SYCE1: variants seen among roughly 807,000 people sequenced by gnomAD.
SYCE1 encodes the protein synaptonemal complex central element protein 1.
In SYCE1, 37 loss-of-function variants were observed where a neutral mutation model predicts 55.1. The ratio of observed to expected loss-of-function variants is 0.67; its 90% CI spans 0.52 to 0.88. The LOEUF (loss-of-function observed/expected upper bound fraction) is 0.88. Ranked by LOEUF, SYCE1 falls within the 40% of genes least tolerant of loss-of-function variation. The probability of loss-of-function intolerance (pLI) is 0.00; values close to 1 mark genes in which losing one functional copy is unlikely to be tolerated. For synonymous variants in SYCE1, 163 were observed against 159.4 expected, an observed-to-expected ratio of 1.02 and a Z score of -0.17; for missense variants, 399 against 416.4, an observed-to-expected ratio of 0.96 and a Z score of 0.36.
upstream of SYCE1, among the ~76,000 whole-genome samples, chr10:133,566,417 T>A (rs868331234): frequency 1.3e-5 from 2 of 151,762 alleles, no homozygotes; most frequent in Non-Finnish European, 2.9e-5. Flanking sequence ...AGCTAGGGAT[T>A]AAGGTTAGAG....
At position 133,555,863 on chromosome 10, in the gene SYCE1, C is replaced by G. The variant is rs371458050; in HGVS notation, c.636G>C (p.Gln212His). Reference sequence around the variant, plus strand: ...CCTCAGCCCCACACAGGGAGCACAGCTGATGCTTCACGTCTTCCAGTGTCG... The same window carrying G: ...CCTCAGCCCCACACAGGGAGCACAGGTGATGCTTCACGTCTTCCAGTGTCG... Reference protein sequence around the residue: ...VKATLEDVKHQLCSLCGAEGP... With the variant: ...VKATLEDVKHHLCSLCGAEGP... The change falls in exon 10 of 13, where the codon CAG becomes CAC. Residue 212 changes from glutamine (Q) to histidine (H), a missense_variant. By Grantham distance (24) the Gln-to-His change is conservative. Coordinates refer to ENST00000343131, the MANE Select transcript of SYCE1 (RefSeq NM_001143764.3). 7 of 1,614,118 alleles carry G rather than the reference C, an allele frequency of 4.3e-6. No individual in the cohort carries two copies. Among genetic ancestry groups the G allele is most frequent in the Non-Finnish European group, 5.9e-6 (7 of 1,180,012 alleles).
chr10:133,556,227 G>T, intron 8 of SYCE1, 180 bp from the exon 9 acceptor site: 1 of 654,200 alleles, frequency 1.5e-6, no homozygotes, highest in South Asian at 1.9e-5. Flanking sequence ...CCCTCCCTGT[G>T]CACTTCTGTC....
upstream of SYCE1, among the ~76,000 whole-genome samples, chr10:133,566,603 G>GGGGTTAAGGTTA (rs1554906606): frequency 7.7e-6 from 1 of 129,766 alleles, no homozygotes; most frequent in Non-Finnish European, 1.6e-5. Flanking sequence ...TTTTAGTGTT[G>GGGGTTAAGGTTA]GGGTTAGGGT....
chr10:133,557,633 A>G lies in SYCE1; in HGVS notation c.374+231T>C, dbSNP rs1851719170. 6.8e-6 allele frequency: 4 copies of G among 590,806 alleles called. No individual in the cohort carries two copies. In the South Asian group the frequency reaches 8.5e-5, roughly 13 times the overall value. The allele number at this position is 590,806 out of a possible 1,614,324, so 36.6% of individuals were successfully genotyped here. On this transcript the variant is annotated intron_variant, in intron 6 of 12. Transcript: ENST00000343131. ...GAGTAAAAGGCAAAAAATAAAAACC[A>G]GCTGAAGAAATTTAATTGACAATTT... is the stretch of plus-strand genomic sequence containing the variant.
chr10:133,565,896 T>G (rs555382378), upstream of SYCE1, among the ~76,000 whole-genome samples: 1 of 152,332 alleles, frequency 6.6e-6, no homozygotes, highest in South Asian at 2.1e-4. Context: ...CTGTGAAGTG[T>G]GCGTGTCTGA....
intron 7 of SYCE1, 58 bp from the exon 8 acceptor site, chr10:133,556,880 T>C: frequency 6.3e-7 from 1 of 1,597,450 alleles, no homozygotes; most frequent in Admixed American, 1.7e-5. Context: ...CTTCACAGCC[T>C]GTCCAAGTCT....
chr10:133,554,706 A>G (rs1249033504), downstream of SYCE1: 1 of 816,088 alleles, frequency 1.2e-6, no homozygotes, highest in Admixed American at 1.8e-5. Flanking sequence ...TGAAGAAATA[A>G]TCACAAGGTA....
At chr10:133,567,296 G>C (rs771044109), upstream of SYCE1, among the ~76,000 whole-genome samples, 2 of 151,726 alleles carry the variant, frequency 1.3e-5, no homozygotes, top group African/African-American at 2.4e-5. Context: ...TTATGGGTTA[G>C]TGTTAGCAGT....
chr10:133,558,455 G>A, intron 4 of SYCE1: 1 of 578,792 alleles, frequency 1.7e-6, no homozygotes. Context: ...TACATGGGGA[G>A]GAGAGAAAAA....
intron 1 of SYCE1, among the ~76,000 whole-genome samples, chr10:133,564,826 C>G (rs1253666422): frequency 6.6e-6 from 1 of 152,210 alleles, no homozygotes; most frequent in Admixed American, 6.5e-5. Context: ...CACACAGTGT[C>G]CTGAAGTGGA....
At chr10:133,559,185 T>C (rs1162034214) in intron 3 of SYCE1, 116 bp downstream of exon 3, 1 of 1,167,488 alleles carries the variant, frequency 8.6e-7, no homozygotes, top group African/African-American at 1.5e-5. Flanking sequence ...GGCTCTGCTG[T>C]TGCTGTTGTG....
chr10:133,558,099 C>T (rs1320561163), intron 5 of SYCE1, 68 bp downstream of exon 5: 12 of 1,601,238 alleles, frequency 7.5e-6, no homozygotes, highest in African/African-American at 1.3e-5. Flanking sequence ...GCTTCAGCTG[C>T]CATAGGGAGA....
chr10:133,565,997 C>T (rs1274719222), upstream of SYCE1, among the ~76,000 whole-genome samples: 1 of 152,232 alleles, frequency 6.6e-6, no homozygotes, highest in African/African-American at 2.4e-5. Flanking sequence ...TGCACGGGCC[C>T]CAGCGAGTGA....
At chr10:133,559,469 G>A in intron 2 of SYCE1, 109 bp from the exon 3 acceptor site, 1 of 1,078,100 alleles carries the variant, frequency 9.3e-7, no homozygotes, top group Non-Finnish European at 1.4e-6. Flanking sequence ...AGTACCTCCT[G>A]CAAGCAGGTG....
At chr10:133,555,218 C>T in intron 12 of SYCE1, 89 bp from the exon 13 acceptor site, 1 of 1,541,708 alleles carries the variant, frequency 6.5e-7, no homozygotes. Context: ...CTTGGGTGGA[C>T]CCAGTATGGG....
In SYCE1 at chr10:133,565,538, A is replaced by G. The variant is rs1300568298; in HGVS notation, c.-9T>C. Reference sequence around the variant, plus strand: ...AGGGACCTCCCCGCCATTTCCTCTCAGCTCGCCAGCGAGGGTGCCTCGGGA... The same window carrying G: ...AGGGACCTCCCCGCCATTTCCTCTCGGCTCGCCAGCGAGGGTGCCTCGGGA... On this transcript the variant is annotated 5_prime_UTR_variant, in exon 1 of 13. Transcript: ENST00000343131. 1 of 1,549,024 alleles carries G rather than the reference A, an allele frequency of 6.5e-7. No individual in the cohort carries two copies. The highest frequency in any genetic ancestry group is 1.4e-5 in the African/African-American group (1 of 73,012).
Position 133,556,012 on chromosome 10 carries a change from C to G in SYCE1, c.564G>C (p.Leu188=). Residue 188 remains leucine, a synonymous_variant, in exon 9 of 13, where the codon CTG becomes CTC. Transcript: ENST00000343131. ...PERLAKEICA[L]DSSKEQLLKE... ...TGAGCAGCTGCTCCTTGCTGCTGTC[C>G]AGGGCACAAATCTCCTTTGCCAGCC... 6.2e-7 allele frequency: 1 copy of G among 1,614,122 alleles called. No homozygotes were observed. The highest frequency in any genetic ancestry group is 1.1e-5 in the South Asian group (1 of 91,076).
At chr10:133,559,928 G>A (rs1247638005) in intron 2 of SYCE1, 163 bp downstream of exon 2, 1 of 662,546 alleles carries the variant, frequency 1.5e-6, no homozygotes, top group Non-Finnish European at 2.5e-6. Context: ...CTTTAATTTT[G>A]AAACATGGGG....
chr10:133,566,245 G>A (rs72869445), upstream of SYCE1, among the ~76,000 whole-genome samples: 12,730 of 152,084 alleles, frequency 0.084, 1,000 homozygotes, highest in African/African-American at 0.23. Flanking sequence ...CCGGCCAGGG[G>A]AGGCCGCGAT....
Sources: gnomAD v4.1 joint callset for allele counts (sites outside exome capture counted in the v4.1 genomes callset) on GRCh38, gnomAD v4.1.1 for gene constraint, MANE v1.5 for transcripts, NCBI Gene and HGNC (gene_info 2026-07-23, HGNC 2026-07-21) for gene names.